SYT14: variants seen among roughly 807,000 people sequenced by gnomAD.
SYT14 encodes synaptotagmin 14.
Under a neutral mutation model 74.2 loss-of-function variants are expected in SYT14, and 32 were observed. The ratio of observed to expected loss-of-function variants is 0.43; its 90% CI spans 0.33 to 0.58. The LOEUF is 0.58. Among genes scored for constraint, SYT14 ranks in the 20% least tolerant of loss-of-function variants. SYT14 has a pLI of 0.05. For synonymous variants in SYT14, 298 were observed against 337.7 expected (o/e 0.88, Z 1.29); for missense variants, 791 against 981.8 (o/e 0.81, Z 2.60).
chr1:210,100,816 G>A (rs1288140640), intron 7 of SYT14, among the ~76,000 whole-genome samples: 2 of 151,888 alleles, frequency 1.3e-5, no homozygotes, highest in Non-Finnish European at 2.9e-5. Context: ...TTAAAACTAG[G>A]CAATACATTA....
intron 5 of SYT14, among the ~76,000 whole-genome samples, chr1:210,049,792 C>T (rs533570882): frequency 1.3e-5 from 2 of 152,184 alleles, no homozygotes; most frequent in Non-Finnish European, 2.9e-5. Context: ...TCTGAAGCCA[C>T]GGCCCGAGCT....
intron 7 of SYT14, among the ~76,000 whole-genome samples, chr1:210,106,693 G>T (rs1390832734): frequency 6.6e-6 from 1 of 152,244 alleles, no homozygotes; most frequent in Admixed American, 6.5e-5. Context: ...TGTCCCACAG[G>T]GTTCCTCCCA....
intron 6 of SYT14, among the ~76,000 whole-genome samples, chr1:210,095,082 C>T (rs1242200621): frequency 6.6e-6 from 1 of 152,068 alleles, no homozygotes; most frequent in African/African-American, 2.4e-5. Flanking sequence ...TTCAGAGTGG[C>T]TGGTTGGTTG....
At chr1:210,104,286 T>G (rs552157302) in intron 7 of SYT14, among the ~76,000 whole-genome samples, 2 of 152,350 alleles carry the variant, frequency 1.3e-5, no homozygotes, top group East Asian at 3.9e-4. Flanking sequence ...GTAGTATGGT[T>G]TGTAGACTTC....
intron 4 of SYT14, among the ~76,000 whole-genome samples, chr1:210,017,927 T>C (rs227222): frequency 0.92 from 139,770 of 152,234 alleles, 64,365 homozygotes; most frequent in East Asian, 1. Context: ...TTCATACTCT[T>C]GTAAAATAAC....
At chr1:210,095,939 T>A (rs1348307254) in intron 6 of SYT14, among the ~76,000 whole-genome samples, 1 of 152,208 alleles carries the variant, frequency 6.6e-6, no homozygotes, top group African/African-American at 2.4e-5. Context: ...TGTAGCTTTG[T>A]AAACTACATA....
chr1:210,155,383 A>G (rs924173619), intron 7 of SYT14, among the ~76,000 whole-genome samples: 1 of 152,212 alleles, frequency 6.6e-6, no homozygotes, highest in African/African-American at 2.4e-5. Context: ...AATCTTTGTC[A>G]GTCTTTTAAG....
chr1:210,148,617 A>G (rs2102692428), intron 7 of SYT14, among the ~76,000 whole-genome samples: 1 of 152,288 alleles, frequency 6.6e-6, no homozygotes, highest in East Asian at 1.9e-4. Context: ...TTTTCTTGAA[A>G]CATACAAATG....
chr1:210,169,221 G>GTTTTGTT lies in SYT14; in HGVS notation c.*8183_*8184insGTTTTTT, dbSNP rs2083492384. ...CTTTTTTGGTTTTTATGTTTTTGGTGTTTTTTTTTTTTTTTTTTTTTTTTT... is the reference window on the plus strand; with the variant it reads ...CTTTTTTGGTTTTTATGTTTTTGGTGTTTTGTTTTTTTTTTTTTTTTTTTTTTTTTTT... On this transcript the variant is annotated 3_prime_UTR_variant, in exon 10 of 10. Coordinates refer to ENST00000637265, the Ensembl canonical transcript of SYT14. The GTTTTGTT allele has an allele frequency of 2.7e-3, 136 of 50,234 alleles. 3 individuals carry two copies. Among genetic ancestry groups the GTTTTGTT allele is most frequent in the African/African-American group, 6.1e-3 (79 of 12,852 alleles). 3.1% of individuals were successfully genotyped at this position (50,234 alleles called of 1,614,324 possible).
At chr1:210,032,654 T>TAA (rs34354853) in intron 5 of SYT14, among the ~76,000 whole-genome samples, 16,431 of 145,326 alleles carry the variant, frequency 0.11, 2,174 homozygotes, top group African/African-American at 0.32. Flanking sequence ...TAGTACCCAG[T>TAA]AAAAAAAAAA....
chr1:210,117,543 GACA>G lies in SYT14; in HGVS notation c.2034+17089_2034+17091del, dbSNP rs199629747. The stretch of plus-strand genomic sequence containing the variant: ...AAGCTACATGTGTTCTAGTTCCCTA[GACA>G]ACAACAGTAATGAGTCATGGCTCAC... On this transcript the variant is annotated intron_variant, in intron 7 of 9. Transcript: ENST00000637265. Among the ~76,000 whole-genome samples the G allele has an allele frequency of 8.4e-3, 1,272 of 152,132 alleles. 22 individuals are homozygous for G. The highest frequency in any genetic ancestry group is 0.029 in the African/African-American group (1,213 of 41,524).
At chr1:209,982,828 TTCC>T (rs2079510292) in intron 2 of SYT14, among the ~76,000 whole-genome samples, 1 of 152,224 alleles carries the variant, frequency 6.6e-6, no homozygotes, top group Non-Finnish European at 1.5e-5. Flanking sequence ...TTAATGAGGA[TTCC>T]TGTTGCTCCA....
chr1:210,109,781 G>A (rs955000093), intron 7 of SYT14, among the ~76,000 whole-genome samples: 14 of 152,060 alleles, frequency 9.2e-5, no homozygotes, highest in African/African-American at 3.1e-4. Flanking sequence ...TATACCCAAA[G>A]GATTGTAAAT....
At chr1:209,995,201 G>A (rs2079766316) in intron 2 of SYT14, among the ~76,000 whole-genome samples, 1 of 152,134 alleles carries the variant, frequency 6.6e-6, no homozygotes, top group Non-Finnish European at 1.5e-5. Flanking sequence ...GAGTGGCAAG[G>A]TGGATAAAAA....
At chr1:210,082,404 A>G (rs2081633115) in intron 5 of SYT14, among the ~76,000 whole-genome samples, 1 of 152,180 alleles carries the variant, frequency 6.6e-6, no homozygotes, top group Non-Finnish European at 1.5e-5. Context: ...CTTTTCTATT[A>G]TCTTTCAGGG....
chr1:209,984,718 G>T (rs909825474), intron 2 of SYT14, among the ~76,000 whole-genome samples: 2 of 152,122 alleles, frequency 1.3e-5, no homozygotes, highest in African/African-American at 4.8e-5. Flanking sequence ...TTATAGAAAA[G>T]AGGTTAATTG....
intron 7 of SYT14, among the ~76,000 whole-genome samples, chr1:210,122,566 A>AT (rs879703677): frequency 2.7e-3 from 375 of 136,504 alleles, no homozygotes; most frequent in African/African-American, 7.0e-3. Flanking sequence ...CAGAGAGTTC[A>AT]TTTTTTTTTT....
At chr1:210,062,559 G>A (rs1183565735) in intron 5 of SYT14, among the ~76,000 whole-genome samples, 1 of 151,806 alleles carries the variant, frequency 6.6e-6, no homozygotes, top group Non-Finnish European at 1.5e-5. Context: ...TTTGATGCTT[G>A]TTATACCACT....
chr1:210,018,107 T>A lies in SYT14; in HGVS notation c.1096+1008T>A, dbSNP rs561995249. Among the ~76,000 whole-genome samples, 4 of 152,334 alleles carry A rather than the reference T, an allele frequency of 2.6e-5. No individual in the cohort carries two copies. The East Asian group carries it at 7.7e-4, about 29-fold the overall frequency. On this transcript the variant is annotated intron_variant, in intron 4 of 9. Transcript: ENST00000637265. ...AGAAATGTCAGTTTCTGAAAATGTA[T>A]CCATTTTGGAGTCTATTTTTCTAGC... is the stretch of plus-strand genomic sequence containing the variant.
Sources: allele counts gnomAD v4.1 joint callset (sites outside exome capture counted in the v4.1 genomes callset), GRCh38; gene constraint gnomAD v4.1.1; transcripts MANE v1.5; gene names NCBI Gene and HGNC (gene_info 2026-07-23, HGNC 2026-07-21).